DLGAP5: variants seen among roughly 807,000 people sequenced by gnomAD.
DLGAP5 encodes the protein disks large-associated protein 5.
DLGAP5 carries 90 observed loss-of-function variants against 99.6 expected under a neutral mutation model. That is an observed-to-expected ratio of 0.90 (90% CI 0.76 to 1.08). The LOEUF (loss-of-function observed/expected upper bound fraction) is 1.08, where lower values mean the gene tolerates loss of function less well. Ranked by LOEUF, DLGAP5 falls within the 50% of genes least tolerant of loss-of-function variation. DLGAP5 has a pLI of 0.00. For synonymous variants in DLGAP5, 311 were observed against 321.3 expected (o/e 0.97, Z 0.34); for missense variants, 1,036 against 983.5 (o/e 1.05, Z -0.71).
chr14:55,175,556 C>A, intron 9 of DLGAP5, 84 bp from the exon 10 acceptor site: 2 of 881,074 alleles, frequency 2.3e-6, no homozygotes, highest in Non-Finnish European at 3.4e-6. Context: ...TTTTAAAAAT[C>A]CTTTTCAATG....
chr14:55,158,500 TAA>T lies in DLGAP5; in HGVS notation c.1873+20_1873+21del. ...GTAGTCTCAGGAAAAACAAAAAAAATAAAAAATCAAAAACAACTAACCTGAGA... is the reference window on the plus strand; with the variant it reads ...GTAGTCTCAGGAAAAACAAAAAAAATAAAATCAAAAACAACTAACCTGAGA... On this transcript the variant is annotated intron_variant, in intron 14 of 18. Coordinates refer to ENST00000247191, the MANE Select transcript of DLGAP5 (RefSeq NM_014750.5). 6.3e-7 allele frequency: 1 copy of T among 1,597,018 alleles called. No homozygotes were observed. Among genetic ancestry groups the T allele is most frequent in the South Asian group, 1.1e-5 (1 of 88,236 alleles).
At position 55,177,279 on chromosome 14, in the gene DLGAP5, T is replaced by C; in HGVS notation, c.832A>G (p.Thr278Ala). The part of the protein sequence containing the change: ...ENTLNSQTNA[T>A]SGMNPDGVLS... ...ACTCCATCTGGATTCATTCCACTTG[T>C]TGCATTAGTTTGTGAATTCAAAGTA... The change falls in exon 8 of 19, where the codon ACA becomes GCA. Residue 278 changes from threonine (T) to alanine (A), a missense_variant. Physicochemically the swap from Thr to Ala is moderately conservative, Grantham distance 58. Coordinates refer to ENST00000247191, the MANE Select transcript of DLGAP5 (RefSeq NM_014750.5). 1 of 1,611,178 alleles carries C rather than the reference T, an allele frequency of 6.2e-7. No homozygotes were observed. The highest frequency in any genetic ancestry group is 8.5e-7 in the Non-Finnish European group (1 of 1,179,196).
chr14:55,160,884 G>C (rs114221058), intron 13 of DLGAP5, among the ~76,000 whole-genome samples: 1,658 of 152,234 alleles, frequency 0.011, 30 homozygotes, highest in African/African-American at 0.038. Flanking sequence ...AAATAATAGA[G>C]TATAGAAAAC....
chr14:55,165,534 A>AC (rs201850173), intron 12 of DLGAP5, among the ~76,000 whole-genome samples: 31 of 148,208 alleles, frequency 2.1e-4, no homozygotes, highest in Middle Eastern at 3.4e-3. Flanking sequence ...AAAAAACAAA[A>AC]AAAAAAACCC....
Position 55,154,801 on chromosome 14 carries a change from A to C in DLGAP5, c.1879T>G (p.Ser627Ala). 3.1e-6 allele frequency: 5 copies of C among 1,613,714 alleles called. No individual in the cohort carries two copies. Among genetic ancestry groups the C allele is most frequent in the Non-Finnish European group, 4.2e-6 (5 of 1,179,894 alleles). The change falls in exon 15 of 19, where the codon TCT becomes GCT. Residue 627 changes from serine to alanine, a missense_variant. Coordinates refer to ENST00000247191, the MANE Select transcript of DLGAP5 (RefSeq NM_014750.5). ...TGAGAAGGGCCTTCAGAAGAGACAG[A>C]AAGTCCTAGAAGATGAGAGAAATCA... ...ESPVKLFSGL[S>A]VSSEGPSQRL...
intron 14 of DLGAP5, among the ~76,000 whole-genome samples, chr14:55,156,569 A>C (rs1015564394): frequency 1.1e-4 from 17 of 152,178 alleles, no homozygotes; most frequent in African/African-American, 4.1e-4. Flanking sequence ...TGGCCCCGCT[A>C]ACAGAAGGGC....
Position 55,150,786 on chromosome 14 carries a change from T to G in DLGAP5, c.2418+13A>C. ...CTAGAATATAAAGGGACTTGTCAAGTTGGAAAACTTACTGAATCAAGAAGG... is the reference window on the plus strand; with the variant it reads ...CTAGAATATAAAGGGACTTGTCAAGGTGGAAAACTTACTGAATCAAGAAGG... On this transcript the variant is annotated intron_variant, in intron 18 of 18. Transcript: ENST00000247191. The G allele has an allele frequency of 6.4e-7, 1 of 1,562,432 alleles. No homozygotes were observed. The highest frequency in any genetic ancestry group is 8.6e-7 in the Non-Finnish European group (1 of 1,159,380).
chr14:55,154,974 T>C (rs1223047989), intron 14 of DLGAP5, among the ~76,000 whole-genome samples, 168 bp from the exon 15 acceptor site: 3 of 152,204 alleles, frequency 2.0e-5, no homozygotes, highest in South Asian at 2.1e-4. Context: ...AAATGCATAT[T>C]AGATGCTGCT....
In DLGAP5 at chr14:55,189,153, T is replaced by C. The variant is rs770813720; in HGVS notation, c.27A>G (p.Arg9=). Residue 9 remains arginine, a synonymous_variant, in exon 2 of 19, where the codon CGA becomes CGG. Transcript: ENST00000247191. ...TTTCAGTACTTATATCCTTCCTGTG[T>C]CGACTGGCAAAATGTGATGAAGACA... The part of the protein sequence containing the change: MSSSHFAS[R]HRKDISTEMI... 4 of 1,613,384 alleles carry C rather than the reference T, an allele frequency of 2.5e-6. No homozygotes were observed. The South Asian group carries it at 3.3e-5, about 13-fold the overall frequency.
At chr14:55,170,823 G>A (rs1555328751) in intron 10 of DLGAP5, 36 bp from the exon 11 acceptor site, 1 of 1,478,112 alleles carries the variant, frequency 6.8e-7, no homozygotes, top group South Asian at 1.1e-5. Context: ...TCTACAAGTG[G>A]TTTTTACACT....
chr14:55,190,466 C>T (rs779051909), intron 1 of DLGAP5, among the ~76,000 whole-genome samples: 4 of 152,074 alleles, frequency 2.6e-5, no homozygotes, highest in Non-Finnish European at 5.9e-5. Context: ...GAGGGGGTCA[C>T]CTGTGTAGCT....
chr14:55,170,091 C>T (rs568651826), intron 11 of DLGAP5, among the ~76,000 whole-genome samples: 21 of 151,838 alleles, frequency 1.4e-4, no homozygotes, highest in East Asian at 5.8e-4. Flanking sequence ...GCCGATATGG[C>T]GCCATTGCAC....
At chr14:55,179,459 C>T (rs1259572392) in intron 7 of DLGAP5, among the ~76,000 whole-genome samples, 170 bp downstream of exon 7, 1 of 152,060 alleles carries the variant, frequency 6.6e-6, no homozygotes, top group Non-Finnish European at 1.5e-5. Flanking sequence ...AATAAGATAC[C>T]TGAAAAATAA....
Position 55,163,005 on chromosome 14 carries a change from T to G in DLGAP5, c.1619A>C (p.Asn540Thr). Residue 540 changes from asparagine to threonine, a missense_variant, in exon 13 of 19, where the codon AAT becomes ACT. Transcript: ENST00000247191. ...LEESGWQVNN[N>T]MNHNMNKNVF... is the part of the protein sequence containing the mutation. ...ATTTTTGTTCATATTATGATTCATATTATTATTGACTTGCCACCCAGATTC... is the reference window on the plus strand; with the variant it reads ...ATTTTTGTTCATATTATGATTCATAGTATTATTGACTTGCCACCCAGATTC... 1 of 1,600,134 alleles carries G rather than the reference T, an allele frequency of 6.2e-7. No homozygotes were observed. Among genetic ancestry groups the G allele is most frequent in the South Asian group, 1.1e-5 (1 of 87,986 alleles).
At chr14:55,176,089 T>G in intron 8 of DLGAP5, 71 bp from the exon 9 acceptor site, 1 of 1,328,138 alleles carries the variant, frequency 7.5e-7, no homozygotes. Flanking sequence ...GGTTTCAAAA[T>G]TGTGTCACTT....
chr14:55,186,922 T>C (rs1883453443), intron 2 of DLGAP5, among the ~76,000 whole-genome samples: 1 of 152,206 alleles, frequency 6.6e-6, no homozygotes, highest in Non-Finnish European at 1.5e-5. Flanking sequence ...TCCCTTGTCT[T>C]TTTTTTGAGA....
At chr14:55,154,452 G>C (rs938710577) in intron 15 of DLGAP5, among the ~76,000 whole-genome samples, 165 bp downstream of exon 15, 4 of 152,106 alleles carry the variant, frequency 2.6e-5, no homozygotes, top group African/African-American at 9.7e-5. Flanking sequence ...GAAACCTTAA[G>C]CTTTAGTTTC....
chr14:55,151,593 A>G, intron 17 of DLGAP5, 102 bp downstream of exon 17: 3 of 1,213,114 alleles, frequency 2.5e-6, no homozygotes, highest in Non-Finnish European at 3.4e-6. Context: ...GATCCTCAAT[A>G]GTTAGATCTA....
chr14:55,164,550 G>T (rs918468248), intron 12 of DLGAP5, among the ~76,000 whole-genome samples: 4 of 151,894 alleles, frequency 2.6e-5, no homozygotes, highest in African/African-American at 9.7e-5. Flanking sequence ...ACTGTTAGGA[G>T]AAAACACAGG....
Sources: gnomAD v4.1 joint callset for allele counts (sites outside exome capture counted in the v4.1 genomes callset) on GRCh38, gnomAD v4.1.1 for gene constraint, MANE v1.5 for transcripts, NCBI Gene and HGNC (gene_info 2026-07-23, HGNC 2026-07-21) for gene names.